The following UBXN7 variants were observed in gnomAD, a reference collection of about 807,000 sequenced individuals.
UBXN7 encodes the protein UBX domain-containing protein 7.
UBXN7 carries 9 observed loss-of-function variants against 58.0 expected under a neutral mutation model. That is an observed-to-expected ratio of 0.16 (90% CI 0.09 to 0.27). The LOEUF (loss-of-function observed/expected upper bound fraction) is 0.27. UBXN7 is among the 10% of genes least tolerant of loss of function. The pLI is 1.00. For missense variants in UBXN7, 328 were observed against 599.6 expected (o/e 0.55, Z 4.73); for synonymous variants, 208 against 205.0 (o/e 1.01, Z -0.12).
At chr3:196,421,770 C>T (rs1730695321) in intron 1 of UBXN7, among the ~76,000 whole-genome samples, 1 of 149,674 alleles carries the variant, frequency 6.7e-6, no homozygotes, top group South Asian at 2.1e-4. Flanking sequence ...AGCGAGACTC[C>T]ATCTCAAACC....
chr3:196,387,182 T>G lies in UBXN7; in HGVS notation c.468+4631A>C, dbSNP rs751167881. Among the ~76,000 whole-genome samples, 232 of 152,238 alleles carry G rather than the reference T, an allele frequency of 1.5e-3. 3 individuals carry two copies. The highest frequency in any genetic ancestry group is 2.5e-3 in the Non-Finnish European group (172 of 68,020). On this transcript the variant is annotated intron_variant, in intron 5 of 10. Coordinates refer to ENST00000296328, the MANE Select transcript of UBXN7 (RefSeq NM_015562.2). ...TGACAAACCTGACAAAAACAAGAAA[T>G]GGGGAAAGGATTCCCTATTTAATAA...
In UBXN7 at chr3:196,356,490, A is replaced by C. The variant is rs1213114811; in HGVS notation, c.*195T>G. 2 of 552,764 alleles carry C rather than the reference A, an allele frequency of 3.6e-6. No homozygotes were observed. Among genetic ancestry groups the C allele is most frequent in the Admixed American group, 4.0e-5 (1 of 25,302 alleles). 34.2% of individuals were successfully genotyped at this position (552,764 alleles called of 1,614,324 possible). ...GAAGGGTACGGAGTGGGGAGCGAGA[A>C]AACAGAAGAGGAGAAAGAAACAAAG... On this transcript the variant is annotated 3_prime_UTR_variant, in exon 11 of 11. Transcript: ENST00000296328.
At chr3:196,374,376 A>C (rs761577125) in intron 5 of UBXN7, among the ~76,000 whole-genome samples, 4 of 152,184 alleles carry the variant, frequency 2.6e-5, no homozygotes, top group Non-Finnish European at 2.9e-5. Flanking sequence ...TTTCAGGTAC[A>C]GTTATAGATA....
intron 1 of UBXN7, among the ~76,000 whole-genome samples, chr3:196,410,965 A>T (rs1730305834): frequency 6.6e-6 from 1 of 152,114 alleles, no homozygotes; most frequent in South Asian, 2.1e-4. Context: ...TACACAGTTT[A>T]CTATAGTCAA....
intron 5 of UBXN7, among the ~76,000 whole-genome samples, chr3:196,388,169 C>T (rs1363935906): frequency 1.3e-5 from 2 of 151,816 alleles, no homozygotes; most frequent in Admixed American, 1.3e-4. Flanking sequence ...TGGAAACCAT[C>T]ATTCTCAGCC....
chr3:196,353,333 G>A lies in UBXN7; in HGVS notation c.*3352C>T, dbSNP rs909251972. ...TCTTCGGGAGATTGAAGAGGCAAAT[G>A]TACACAAAAGTATCTGGTGCATGCC... On this transcript the variant is annotated 3_prime_UTR_variant, in exon 11 of 11. Coordinates refer to ENST00000296328, the MANE Select transcript of UBXN7 (RefSeq NM_015562.2). The A allele has an allele frequency of 6.6e-6, 1 of 152,166 alleles. No individual in the cohort carries two copies. Among genetic ancestry groups the A allele is most frequent in the Non-Finnish European group, 1.5e-5 (1 of 68,030 alleles). 9.4% of individuals were successfully genotyped at this position (152,166 alleles called of 1,614,324 possible).
intron 10 of UBXN7, among the ~76,000 whole-genome samples, chr3:196,358,358 C>G (rs1464053895): frequency 6.6e-6 from 1 of 152,194 alleles, no homozygotes; most frequent in Non-Finnish European, 1.5e-5. Flanking sequence ...GGTTTCTATT[C>G]CATGCAGGCA....
At position 196,369,984 on chromosome 3, in the gene UBXN7, G is replaced by T. The variant is rs1353433554; in HGVS notation, c.616-473C>A. On this transcript the variant is annotated intron_variant, in intron 6 of 10. Coordinates refer to ENST00000296328, the MANE Select transcript of UBXN7 (RefSeq NM_015562.2). ...CGTCTCTACTAAAATACAAAAATTAGCCGGGCCTGGTGACAGGCGCTTGTA... is the reference window on the plus strand; with the variant it reads ...CGTCTCTACTAAAATACAAAAATTATCCGGGCCTGGTGACAGGCGCTTGTA... 4.6e-5 allele frequency among the ~76,000 whole-genome samples: 7 copies of T among 152,004 alleles called. 1 individual carries two copies. The highest frequency in any genetic ancestry group is 4.2e-4 in the South Asian group (2 of 4,810).
rs2108824303 is a variant in UBXN7, at chr3:196,356,663, T to C, written c.*22A>G. The C allele has an allele frequency of 1.3e-6, 2 of 1,579,762 alleles. No individual in the cohort carries two copies. Among genetic ancestry groups the C allele is most frequent in the Middle Eastern group, 3.4e-4 (2 of 5,920 alleles). ...AGGAAAAGGGAAAAAAGGGGTAAGC[T>C]GAGAGAGGTCAAGCCATGGTGTTAA... On this transcript the variant is annotated 3_prime_UTR_variant, in exon 11 of 11. Coordinates refer to ENST00000296328, the MANE Select transcript of UBXN7 (RefSeq NM_015562.2).
At chr3:196,372,141 T>A in intron 5 of UBXN7, 99 bp from the exon 6 acceptor site, 6 of 1,372,474 alleles carry the variant, frequency 4.4e-6, no homozygotes, top group Non-Finnish European at 5.8e-6. Flanking sequence ...TTAAAAATAC[T>A]AAGTTTTTGC....
chr3:196,361,930 G>C lies in UBXN7; in HGVS notation c.1229-7C>G. 6.3e-7 allele frequency: 1 copy of C among 1,588,754 alleles called. No homozygotes were observed. The highest frequency in any genetic ancestry group is 2.2e-5 in the East Asian group (1 of 44,682). On this transcript the variant is annotated splice_region_variant and splice_polypyrimidine_tract_variant and intron_variant, in intron 9 of 10. Coordinates refer to ENST00000296328, the MANE Select transcript of UBXN7 (RefSeq NM_015562.2). ...ATCAGCTGTGCTTTTGGTCCTAAAG[G>C]AAGGGTTTAAAAAAAAAAAAAAAAC... is the stretch of plus-strand genomic sequence containing the variant.
intron 2 of UBXN7, 56 bp from the exon 3 acceptor site, chr3:196,403,075 G>T: frequency 1.3e-6 from 2 of 1,496,664 alleles, no homozygotes; most frequent in Non-Finnish European, 9.1e-7. Flanking sequence ...CTACCTGTTT[G>T]CTTTCTGTAA....
intron 6 of UBXN7, among the ~76,000 whole-genome samples, chr3:196,370,869 A>AG (rs1728811389): frequency 6.6e-6 from 1 of 151,616 alleles, no homozygotes; most frequent in African/African-American, 2.4e-5. Context: ...AAAAAAAAAA[A>AG]AAAAAAAAAA....
intron 2 of UBXN7, 23 bp downstream of exon 2, chr3:196,407,223 G>C: frequency 1.2e-6 from 2 of 1,611,652 alleles, no homozygotes; most frequent in Non-Finnish European, 1.7e-6. Flanking sequence ...GATAGCTCCT[G>C]ACAACACATA....
At chr3:196,374,959 A>G (rs1219370891) in intron 5 of UBXN7, among the ~76,000 whole-genome samples, 1 of 39,956 alleles carries the variant, frequency 2.5e-5, no homozygotes, top group Non-Finnish European at 4.8e-5. Context: ...AGAAAGAAAG[A>G]AAAAAAGGAA....
At position 196,349,377 on chromosome 3, in the gene UBXN7, C is replaced by T. The variant is rs1024432641; in HGVS notation, c.*7308G>A. 4.6e-5 allele frequency: 7 copies of T among 152,090 alleles called. No individual in the cohort carries two copies. Among genetic ancestry groups the T allele is most frequent in the Non-Finnish European group, 7.3e-5 (5 of 68,028 alleles). The allele number at this position is 152,090 out of a possible 1,614,324, so 9.4% of individuals were successfully genotyped here. A position where few individuals can be genotyped will look rare whatever the true frequency, so the allele number is the denominator to read the frequency against. On this transcript the variant is annotated 3_prime_UTR_variant, in exon 11 of 11. Transcript: ENST00000296328. ...GATTTTCTGATGGCAACAGTCACTC[C>T]GTGTAAGGTTTAACTTACAGGGCAA...
At chr3:196,368,862 G>A (rs550188156) in intron 7 of UBXN7, among the ~76,000 whole-genome samples, 275 of 152,138 alleles carry the variant, frequency 1.8e-3, no homozygotes, top group African/African-American at 6.3e-3. Flanking sequence ...TCACTCTGTT[G>A]CCCAGGCTGG....
chr3:196,391,568 CA>C (rs967968136), intron 5 of UBXN7, among the ~76,000 whole-genome samples: 18 of 151,924 alleles, frequency 1.2e-4, no homozygotes, highest in Admixed American at 2.6e-4. Flanking sequence ...CTGTCTCTAC[CA>C]AAAAAATTTT....
At chr3:196,398,734 A>G (rs2108849748) in intron 3 of UBXN7, among the ~76,000 whole-genome samples, 1 of 152,228 alleles carries the variant, frequency 6.6e-6, no homozygotes, top group East Asian at 1.9e-4. Flanking sequence ...GGCTCAATCC[A>G]TCTTCTCACC....
Sources: gnomAD v4.1 joint callset for allele counts (sites outside exome capture counted in the v4.1 genomes callset) on GRCh38, gnomAD v4.1.1 for gene constraint, MANE v1.5 for transcripts, NCBI Gene and HGNC (gene_info 2026-07-23, HGNC 2026-07-21) for gene names.